HEATR5B: variants seen among roughly 807,000 people sequenced by gnomAD.
HEATR5B encodes the protein HEAT repeat-containing protein 5B.
In HEATR5B, 156 loss-of-function variants were observed where a neutral mutation model predicts 224.1. The observed-to-expected ratio is 0.70, with a 90% CI of 0.61 to 0.80. The LOEUF (loss-of-function observed/expected upper bound fraction) is 0.80, where lower values mean the gene tolerates loss of function less well. Among genes scored for constraint, HEATR5B ranks in the 30% least tolerant of loss-of-function variants. The pLI is 0.00. For missense variants in HEATR5B, 2,323 were observed against 2,535.5 expected (o/e 0.92, Z 1.80); for synonymous variants, 1,027 against 893.0 (o/e 1.15, Z -2.68).
intron 7 of HEATR5B, among the ~76,000 whole-genome samples, 178 bp from the exon 8 acceptor site, chr2:37,069,108 G>A (rs911863775): frequency 2.6e-5 from 4 of 152,198 alleles, no homozygotes; most frequent in African/African-American, 9.7e-5. Flanking sequence ...AATTATTAGT[G>A]AAGTATCTTT....
chr2:37,027,297 A>G (rs1668840855), intron 24 of HEATR5B, among the ~76,000 whole-genome samples: 1 of 152,130 alleles, frequency 6.6e-6, no homozygotes, highest in Non-Finnish European at 1.5e-5. Flanking sequence ...TCACCTCTCA[A>G]TTTCTCTGGG....
chr2:37,072,360 C>T, intron 5 of HEATR5B, 79 bp from the exon 6 acceptor site: 1 of 995,892 alleles, frequency 1.0e-6, no homozygotes, highest in East Asian at 2.5e-5. Context: ...CCAGACTTAC[C>T]ACCTCTCCTG....
At position 37,013,741 on chromosome 2, in the gene HEATR5B, T is replaced by C. The variant is rs533020559; in HGVS notation, c.4284+100A>G. 5.7e-6 allele frequency: 6 copies of C among 1,060,986 alleles called. No homozygotes were observed. In the African/African-American group the frequency reaches 9.5e-5, roughly 17 times the overall value. 65.7% of individuals were successfully genotyped at this position (1,060,986 alleles called of 1,614,324 possible). A position where few individuals can be genotyped will look rare whatever the true frequency, so the allele number is the denominator to read the frequency against. On this transcript the variant is annotated intron_variant, in intron 27 of 35. Transcript: ENST00000233099. ...AAAGTATTCCATATCAAGGGTTAGT[T>C]TTTAAAAAACAAAAATTTTTTTACC...
rs547646816 is a variant in HEATR5B at position 37,063,360 on chromosome 2, ACTAGT to A, written c.1585-1315_1585-1311del. On this transcript the variant is annotated intron_variant, in intron 10 of 35. Coordinates refer to ENST00000233099, the MANE Select transcript of HEATR5B (RefSeq NM_019024.3). ...AAAGGCCAGGGAAGGAAGGAAGATA[ACTAGT>A]CTAATTAGAGCAACAGGAAATTTGA... is the stretch of plus-strand genomic sequence containing the variant. 9.2e-5 allele frequency among the ~76,000 whole-genome samples: 14 copies of A among 152,144 alleles called. No homozygotes were observed. In the South Asian group the frequency reaches 2.9e-3, roughly 32 times the overall value.
intron 2 of HEATR5B, 28 bp from the exon 3 acceptor site, chr2:37,079,359 C>T (rs1325861880): frequency 1.5e-6 from 2 of 1,370,370 alleles, no homozygotes; most frequent in Non-Finnish European, 2.0e-6. Flanking sequence ...TTTAAAAGAA[C>T]ATCATTAAAA....
chr2:36,990,968 G>GT (rs1666287566), intron 33 of HEATR5B, among the ~76,000 whole-genome samples, 169 bp from the exon 34 acceptor site: 1 of 152,088 alleles, frequency 6.6e-6, no homozygotes, highest in South Asian at 2.1e-4. Context: ...GGGATTACAG[G>GT]TGTCAGCCAC....
chr2:37,053,834 A>G lies in HEATR5B; in HGVS notation c.2400-227T>C, dbSNP rs371441522. Among the ~76,000 whole-genome samples, 43 of 152,070 alleles carry G rather than the reference A, an allele frequency of 2.8e-4. 2 individuals carry two copies. The South Asian group carries it at 8.7e-3, about 31-fold the overall frequency. ...AGAAAAGAGTTTCAATTAACAAAAT[A>G]AGGTCACAATTGCAGTGGTCTTCAA... On this transcript the variant is annotated intron_variant, in intron 16 of 35. Coordinates refer to ENST00000233099, the MANE Select transcript of HEATR5B (RefSeq NM_019024.3).
intron 23 of HEATR5B, 132 bp downstream of exon 23, chr2:37,028,549 T>C: frequency 1.5e-6 from 1 of 650,952 alleles, no homozygotes; most frequent in Non-Finnish European, 2.4e-6. Context: ...GACAGAGATT[T>C]GTAGATCAAA....
Position 36,981,420 on chromosome 2 carries a change from G to A in HEATR5B, c.*70C>T. ...TAAAACAGAACCCATAGGTAGCCTGGAATGATACAGTGGCCATCACTAATT... is the reference window on the plus strand; with the variant it reads ...TAAAACAGAACCCATAGGTAGCCTGAAATGATACAGTGGCCATCACTAATT... On this transcript the variant is annotated 3_prime_UTR_variant, in exon 36 of 36. Coordinates refer to ENST00000233099, the MANE Select transcript of HEATR5B (RefSeq NM_019024.3). The A allele has an allele frequency of 8.4e-7, 1 of 1,192,348 alleles. No individual in the cohort carries two copies. Among genetic ancestry groups the A allele is most frequent in the Non-Finnish European group, 1.2e-6 (1 of 847,988 alleles). 73.9% of individuals were successfully genotyped at this position (1,192,348 alleles called of 1,614,324 possible). A position where few individuals can be genotyped will look rare whatever the true frequency, so the allele number is the denominator to read the frequency against.
chr2:37,000,099 CA>C (rs1666992325), intron 33 of HEATR5B, among the ~76,000 whole-genome samples: 1 of 151,630 alleles, frequency 6.6e-6, no homozygotes, highest in African/African-American at 2.4e-5. Context: ...GACAGAGTTT[CA>C]AAAAACTCTG....
chr2:37,061,481 T>C (rs908826059), intron 11 of HEATR5B, among the ~76,000 whole-genome samples: 1 of 152,252 alleles, frequency 6.6e-6, no homozygotes, highest in African/African-American at 2.4e-5. Flanking sequence ...ATAGGTATTT[T>C]TGTACTATGT....
intron 30 of HEATR5B, among the ~76,000 whole-genome samples, chr2:37,004,676 ACT>A (rs1486093665): frequency 1.3e-5 from 2 of 150,754 alleles, no homozygotes; most frequent in African/African-American, 4.9e-5. Context: ...TTCTTTTGAG[ACT>A]CTGTCTACCC....
intron 2 of HEATR5B, among the ~76,000 whole-genome samples, chr2:37,082,542 T>A (rs1672652260): frequency 1.3e-5 from 2 of 152,324 alleles, no homozygotes; most frequent in South Asian, 4.1e-4. Context: ...AAGGAACACC[T>A]GGCCTGAAAA....
At chr2:36,985,767 TG>T (rs1166462264) in intron 35 of HEATR5B, among the ~76,000 whole-genome samples, 1 of 151,814 alleles carries the variant, frequency 6.6e-6, no homozygotes, top group Non-Finnish European at 1.5e-5. Flanking sequence ...ACCTGACCAA[TG>T]GTGCTGATCA....
chr2:37,060,906 CATT>C lies in HEATR5B; in HGVS notation c.1697-176_1697-174del, dbSNP rs1195290120. 2.0e-4 allele frequency among the ~76,000 whole-genome samples: 31 copies of C among 152,146 alleles called. 1 individual carries two copies. The East Asian group carries it at 5.6e-3, about 27-fold the overall frequency. On this transcript the variant is annotated intron_variant, in intron 11 of 35. Transcript: ENST00000233099. ...CACTCTATTTTTATCTCTAAAATTA[CATT>C]ATTTTCAACCTTTATTCACTGATTA...
At position 37,073,580 on chromosome 2, in the gene HEATR5B, A is replaced by T. The variant is rs1451558529; in HGVS notation, c.598-1299T>A. The stretch of plus-strand genomic sequence containing the variant: ...ATTGATAGAATTCATGATTTTAGTC[A>T]TATTTCCCCAGTCTTATTTGTATTC... On this transcript the variant is annotated intron_variant, in intron 5 of 35. Transcript: ENST00000233099. 2.6e-5 allele frequency among the ~76,000 whole-genome samples: 4 copies of T among 152,294 alleles called. No individual in the cohort carries two copies. In the East Asian group the frequency reaches 7.7e-4, roughly 29 times the overall value.
intron 32 of HEATR5B, 121 bp from the exon 33 acceptor site, chr2:37,000,934 T>C: frequency 1.6e-6 from 1 of 641,038 alleles, no homozygotes; most frequent in Non-Finnish European, 2.7e-6. Flanking sequence ...CTTGTCTTTA[T>C]ACAAAATTTA....
chr2:37,012,509 G>A (rs1266205187), intron 27 of HEATR5B, among the ~76,000 whole-genome samples: 1 of 152,060 alleles, frequency 6.6e-6, no homozygotes, highest in Non-Finnish European at 1.5e-5. Flanking sequence ...TCCTGCCTCA[G>A]CCTCCCAAGT....
At chr2:37,052,978 A>G (rs906278458) in intron 17 of HEATR5B, among the ~76,000 whole-genome samples, 3 of 152,258 alleles carry the variant, frequency 2.0e-5, no homozygotes, top group African/African-American at 7.2e-5. Context: ...TGCAGAAAGC[A>G]AAACTGCAGA....
Sources: gnomAD v4.1 joint callset for allele counts (sites outside exome capture counted in the v4.1 genomes callset) on GRCh38, gnomAD v4.1.1 for gene constraint, MANE v1.5 for transcripts, NCBI Gene and HGNC (gene_info 2026-07-23, HGNC 2026-07-21) for gene names.